RAB3D: variants seen among roughly 807,000 people sequenced by gnomAD.
RAB3D encodes the protein RAB3D, member RAS oncogene family.
RAB3D carries 17 observed loss-of-function variants against 19.3 expected under a neutral mutation model. The observed-to-expected ratio is 0.88, with a 90% CI of 0.60 to 1.32. The LOEUF (loss-of-function observed/expected upper bound fraction) is 1.32. Among genes scored for constraint, RAB3D ranks in the 40% most tolerant of loss-of-function variants. The pLI is 0.00. For missense variants in RAB3D, 223 were observed against 299.1 expected, an observed-to-expected ratio of 0.75 and a Z score of 1.88; for synonymous variants, 103 against 119.9, an observed-to-expected ratio of 0.86 and a Z score of 0.92.
intron 1 of RAB3D, 59 bp from the exon 2 acceptor site, chr19:11,337,519 A>G: frequency 1.3e-6 from 1 of 794,540 alleles, no homozygotes; most frequent in Non-Finnish European, 2.1e-6. Context: ...CTGGATTCAA[A>G]TCTCAGCTCG....
chr19:11,336,975 A>G (rs1269964132), intron 2 of RAB3D, among the ~76,000 whole-genome samples, 197 bp downstream of exon 2: 13 of 119,624 alleles, frequency 1.1e-4, no homozygotes, highest in African/African-American at 5.3e-4. Flanking sequence ...GTCTCGAGAG[A>G]AAAAAAAAAA....
chr19:11,337,072 C>A, intron 2 of RAB3D, 100 bp downstream of exon 2: 1 of 1,029,780 alleles, frequency 9.7e-7, no homozygotes, highest in Non-Finnish European at 1.5e-6. Context: ...CCAGCCTGGG[C>A]AACAGAGTGA....
At chr19:11,337,863 G>C (rs1456041140) in intron 1 of RAB3D, among the ~76,000 whole-genome samples, 1 of 151,720 alleles carries the variant, frequency 6.6e-6, no homozygotes, top group Non-Finnish European at 1.5e-5. Context: ...TGTAGAGATG[G>C]GGTCTCATTA....
At chr19:11,333,435 G>T (rs1443376584) in intron 4 of RAB3D, among the ~76,000 whole-genome samples, 1 of 152,102 alleles carries the variant, frequency 6.6e-6, no homozygotes, top group Non-Finnish European at 1.5e-5. Flanking sequence ...GCAGGAAAGG[G>T]TATATACAGT....
Position 11,335,454 on chromosome 19 carries a change from G to T in RAB3D, c.465C>A (p.Asp155Glu). ...VPAEDGRRLADDLGFEFFEAS... is the reference protein window; with the variant it reads ...VPAEDGRRLAEDLGFEFFEAS... ...CCCAGGCTGGGCACTAACCAAGGTC[G>T]TCGGCGAGCCTCCGGCCATCCTCAG... The change falls in exon 4 of 5, where the codon GAC (aspartate) becomes GAA (glutamate). Residue 155 changes from aspartate to glutamate, a missense_variant. By Grantham distance (45) the Asp-to-Glu change is conservative. Transcript: ENST00000222120. 1 of 1,614,120 alleles carries T rather than the reference G, an allele frequency of 6.2e-7. No individual in the cohort carries two copies. The highest frequency in any genetic ancestry group is 1.1e-5 in the South Asian group (1 of 91,090).
Position 11,322,948 on chromosome 19 carries a change from C to T in RAB3D, c.*2450G>A, listed in dbSNP as rs2080789059. 6.6e-6 allele frequency: 1 copy of T among 152,072 alleles called. No homozygotes were observed. Among genetic ancestry groups the T allele is most frequent in the African/African-American group, 2.4e-5 (1 of 41,412 alleles). 9.4% of individuals were successfully genotyped at this position (152,072 alleles called of 1,614,324 possible). A position where few individuals can be genotyped will look rare whatever the true frequency, so the allele number is the denominator to read the frequency against. On this transcript the variant is annotated 3_prime_UTR_variant, in exon 5 of 5. Transcript: ENST00000222120. ...GGCCAACAAGGTGAAACCGTCGCTA[C>T]TAAAAATGCAAAACTTAGATGGGCG...
At chr19:11,337,920 G>C (rs1036816081) in intron 1 of RAB3D, among the ~76,000 whole-genome samples, 1 of 152,052 alleles carries the variant, frequency 6.6e-6, no homozygotes, top group Admixed American at 6.6e-5. Context: ...CAATCCTCCT[G>C]CCTCAGCCTT....
chr19:11,322,584 AC>A lies in RAB3D; in HGVS notation c.*2813del, dbSNP rs1303789956. 9 of 152,164 alleles carry A rather than the reference AC, an allele frequency of 5.9e-5. No individual in the cohort carries two copies. The highest frequency in any genetic ancestry group is 2.2e-4 in the African/African-American group (9 of 41,436). The allele number at this position is 152,164 out of a possible 1,614,324, so 9.4% of individuals were successfully genotyped here. ...CGTTTCCCTGAGGTAATCTGCAAAA[AC>A]ATCAGTTTTCAGTCCCCAGAGACCA... On this transcript the variant is annotated 3_prime_UTR_variant, in exon 5 of 5. Coordinates refer to ENST00000222120, the MANE Select transcript of RAB3D (RefSeq NM_004283.4).
chr19:11,337,940 T>C (rs1966912530), intron 1 of RAB3D, among the ~76,000 whole-genome samples: 1 of 152,156 alleles, frequency 6.6e-6, no homozygotes, highest in African/African-American at 2.4e-5. Context: ...TCCAATGTGC[T>C]AGGATTACAG....
At chr19:11,329,382 C>T (rs372623390) in intron 4 of RAB3D, among the ~76,000 whole-genome samples, 10 of 151,588 alleles carry the variant, frequency 6.6e-5, no homozygotes, top group East Asian at 3.9e-4. Context: ...GCCGAGGCAG[C>T]GGATCACCTG....
chr19:11,325,762 T>G (rs998926400), intron 4 of RAB3D, among the ~76,000 whole-genome samples, 177 bp from the exon 5 acceptor site: 1 of 152,144 alleles, frequency 6.6e-6, no homozygotes, highest in Admixed American at 6.6e-5. Flanking sequence ...ATGGGAATGA[T>G]GATCCTACCA....
At chr19:11,333,081 T>C (rs1231600765) in intron 4 of RAB3D, among the ~76,000 whole-genome samples, 1 of 127,102 alleles carries the variant, frequency 7.9e-6, no homozygotes, top group Non-Finnish European at 1.6e-5. Context: ...GAAATATTTC[T>C]TTTTTTTTTT....
At chr19:11,325,681 C>T (rs2080808620) in intron 4 of RAB3D, 96 bp from the exon 5 acceptor site, 3 of 1,179,772 alleles carry the variant, frequency 2.5e-6, no homozygotes, top group Non-Finnish European at 2.4e-6. Context: ...CCTAGTTCTG[C>T]TCTTTATCCT....
chr19:11,327,056 C>T (rs2080817667), intron 4 of RAB3D: 2 of 460,622 alleles, frequency 4.3e-6, no homozygotes, highest in Admixed American at 8.0e-5. Context: ...GTAAGTGGAC[C>T]TGTCTTCTCT....
chr19:11,338,793 G>A (rs1398329682), intron 1 of RAB3D, among the ~76,000 whole-genome samples: 2 of 152,110 alleles, frequency 1.3e-5, no homozygotes, highest in African/African-American at 4.8e-5. Flanking sequence ...CTGTCCCACG[G>A]CTAGGCTCCT....
intron 4 of RAB3D, among the ~76,000 whole-genome samples, chr19:11,326,309 A>C (rs2080812694): frequency 6.7e-6 from 1 of 149,624 alleles, no homozygotes; most frequent in Non-Finnish European, 1.5e-5. Flanking sequence ...TGAGCCCAGG[A>C]GGTCAAGGCA....
At chr19:11,336,746 G>A (rs1355106898) in intron 2 of RAB3D, among the ~76,000 whole-genome samples, 18 of 151,878 alleles carry the variant, frequency 1.2e-4, no homozygotes, top group Admixed American at 9.8e-4. Context: ...CGAGGTGGGC[G>A]GATCACGAGG....
intron 2 of RAB3D, among the ~76,000 whole-genome samples, 198 bp downstream of exon 2, chr19:11,336,974 G>GA (rs71164191): frequency 0.045 from 4,091 of 90,120 alleles, 75 homozygotes; most frequent in African/African-American, 0.055. Context: ...TGTCTCGAGA[G>GA]AAAAAAAAAA....
At chr19:11,330,404 G>A (rs2080831503) in intron 4 of RAB3D, among the ~76,000 whole-genome samples, 1 of 152,180 alleles carries the variant, frequency 6.6e-6, no homozygotes, top group African/African-American at 2.4e-5. Flanking sequence ...AGCAACCATA[G>A]ACAATGCATC....
Sources: allele counts gnomAD v4.1 joint callset (sites outside exome capture counted in the v4.1 genomes callset), GRCh38; gene constraint gnomAD v4.1.1; transcripts MANE v1.5; gene names NCBI Gene and HGNC (gene_info 2026-07-23, HGNC 2026-07-21).